Variants in DGKI observed in about 807,000 individuals in gnomAD.
DGKI encodes DAG kinase iota.
DGKI carries 55 observed loss-of-function variants against 147.5 expected under a neutral mutation model. The observed-to-expected ratio is 0.37, with a 90% CI of 0.30 to 0.47. The LOEUF is 0.47. Ranked by LOEUF, DGKI falls within the 20% of genes least tolerant of loss-of-function variation. The probability of loss-of-function intolerance (pLI) is 1.00; values close to 1 mark genes in which losing one functional copy is unlikely to be tolerated. For synonymous variants in DGKI, 469 were observed against 477.1 expected, an observed-to-expected ratio of 0.98 and a Z score of 0.22; for missense variants, 1,007 against 1,323.8, an observed-to-expected ratio of 0.76 and a Z score of 3.71.
intron 3 of DGKI, among the ~76,000 whole-genome samples, chr7:137,671,175 T>C (rs1309329293): frequency 6.6e-6 from 1 of 152,240 alleles, no homozygotes; most frequent in Non-Finnish European, 1.5e-5. Context: ...ATGACCCTTG[T>C]ACTCTTCTTG....
chr7:137,621,567 C>T (rs1232703410), intron 7 of DGKI, among the ~76,000 whole-genome samples: 1 of 152,204 alleles, frequency 6.6e-6, no homozygotes, highest in East Asian at 1.9e-4. Context: ...ACTGTGAAAA[C>T]ATATCAACCG....
intron 28 of DGKI, among the ~76,000 whole-genome samples, chr7:137,423,283 C>T (rs1400898480): frequency 6.6e-6 from 1 of 152,278 alleles, no homozygotes; most frequent in Non-Finnish European, 1.5e-5. Flanking sequence ...ACAGAGAAAG[C>T]TTCAGGCGTT....
At chr7:137,530,962 G>A (rs1294190571) in intron 20 of DGKI, among the ~76,000 whole-genome samples, 5 of 152,006 alleles carry the variant, frequency 3.3e-5, no homozygotes, top group Admixed American at 1.3e-4. Flanking sequence ...CGAAGATGCC[G>A]TCTTCTGCCC....
intron 1 of DGKI, among the ~76,000 whole-genome samples, chr7:137,699,232 T>A (rs1823895476): frequency 6.6e-6 from 1 of 152,206 alleles, no homozygotes; most frequent in South Asian, 2.1e-4. Context: ...TCCACCCTCA[T>A]GACCTATTCA....
intron 19 of DGKI, among the ~76,000 whole-genome samples, chr7:137,554,485 C>T (rs537157804): frequency 6.6e-6 from 1 of 152,190 alleles, no homozygotes; most frequent in African/African-American, 2.4e-5. Flanking sequence ...AAAACTGAGA[C>T]AGTCCCTGAC....
Position 137,388,042 on chromosome 7 carries a change from T to A in DGKI, c.*3178A>T, listed in dbSNP as rs183442598. 1.1e-3 allele frequency: 171 copies of A among 152,294 alleles called. No homozygotes were observed. Among genetic ancestry groups the A allele is most frequent in the African/African-American group, 4.1e-3 (169 of 41,582 alleles). The allele number at this position is 152,294 out of a possible 1,614,324, so 9.4% of individuals were successfully genotyped here. On this transcript the variant is annotated 3_prime_UTR_variant, in exon 33 of 33. Coordinates refer to ENST00000614521, the MANE Select transcript of DGKI (RefSeq NM_001321708.2). The stretch of plus-strand genomic sequence containing the variant: ...GTATGTACGGCTCTCCATCAGTCAT[T>A]ACTAATTTCCATCACTGTGCATTTG...
intron 19 of DGKI, among the ~76,000 whole-genome samples, chr7:137,567,082 T>C (rs1419076622): frequency 1.4e-5 from 2 of 145,766 alleles, no homozygotes; most frequent in African/African-American, 5.4e-5. Flanking sequence ...CTGACCAACA[T>C]GGTGAAACCC....
At chr7:137,600,024 C>T in intron 10 of DGKI, 119 bp from the exon 11 acceptor site, 2 of 867,270 alleles carry the variant, frequency 2.3e-6, no homozygotes, top group Non-Finnish European at 1.8e-6. Context: ...TGGCACACGC[C>T]TGTAATCCCA....
chr7:137,545,336 AT>A (rs1025780510), intron 20 of DGKI, among the ~76,000 whole-genome samples: 3 of 152,148 alleles, frequency 2.0e-5, no homozygotes, highest in Admixed American at 6.6e-5. Context: ...TAAAAAACAT[AT>A]TTTTTTGTTC....
At chr7:137,758,035 A>G (rs57870599) in intron 1 of DGKI, among the ~76,000 whole-genome samples, 3,592 of 152,302 alleles carry the variant, frequency 0.024, 125 homozygotes, top group African/African-American at 0.081. Flanking sequence ...CAAGTCCTGT[A>G]TCTCCTGGTT....
intron 11 of DGKI, 42 bp downstream of exon 11, chr7:137,599,781 C>T (rs1246248095): frequency 6.3e-7 from 1 of 1,582,142 alleles, no homozygotes; most frequent in African/African-American, 1.3e-5. Context: ...TTCTCACTTG[C>T]CTAAAATACA....
intron 23 of DGKI, among the ~76,000 whole-genome samples, chr7:137,475,815 G>C (rs1360910431): frequency 6.6e-6 from 1 of 151,928 alleles, no homozygotes; most frequent in African/African-American, 2.4e-5. Flanking sequence ...TTTTAATTAC[G>C]ATTTCAATTT....
Position 137,571,244 on chromosome 7 carries a change from G to GT in DGKI, c.1877dup (p.His626GlnfsTer3). ...CATGACGCTGAGGTTCGAAATCATG[G>GT]TGATCACCTGGGTTTCCCCAGGGCA... On this transcript the variant is annotated frameshift_variant, in exon 19 of 33. Transcript: ENST00000614521. LOFTEE classifies it high-confidence loss of function. The GT allele has an allele frequency of 6.2e-7, 1 of 1,613,130 alleles. No individual in the cohort carries two copies. Among genetic ancestry groups the GT allele is most frequent in the Non-Finnish European group, 8.5e-7 (1 of 1,179,878 alleles).
At chr7:137,575,509 C>G (rs1246271136) in intron 17 of DGKI, among the ~76,000 whole-genome samples, 3 of 152,192 alleles carry the variant, frequency 2.0e-5, no homozygotes, top group Admixed American at 2.0e-4. Context: ...CCAGCATGCA[C>G]TGGGTCTCCT....
intron 21 of DGKI, among the ~76,000 whole-genome samples, chr7:137,510,089 TG>T (rs1816529140): frequency 6.6e-6 from 1 of 152,212 alleles, no homozygotes; most frequent in Admixed American, 6.5e-5. Context: ...GCATTGACCG[TG>T]GTTATCCAGG....
At chr7:137,724,952 G>T (rs1363638800) in intron 1 of DGKI, among the ~76,000 whole-genome samples, 1 of 152,112 alleles carries the variant, frequency 6.6e-6, no homozygotes. Context: ...AAGTTGAGAA[G>T]GTAAGATCGT....
Position 137,596,992 on chromosome 7 carries a change from G to A in DGKI, c.1311+855C>T, listed in dbSNP as rs148354146. On this transcript the variant is annotated intron_variant, in intron 12 of 32. Coordinates refer to ENST00000614521, the MANE Select transcript of DGKI (RefSeq NM_001321708.2). Reference sequence around the variant, plus strand: ...CCAGACAACACAATCTAAATGTCATGATTCTCAATTCTTTACTTTGTTAAA... The same window carrying A: ...CCAGACAACACAATCTAAATGTCATAATTCTCAATTCTTTACTTTGTTAAA... Among the ~76,000 whole-genome samples the A allele has an allele frequency of 1.8e-4, 27 of 152,308 alleles. No homozygotes were observed. In the East Asian group the frequency reaches 5.2e-3, roughly 29 times the overall value.
chr7:137,489,529 A>C (rs914056075), intron 21 of DGKI, among the ~76,000 whole-genome samples: 1 of 152,200 alleles, frequency 6.6e-6, no homozygotes, highest in Non-Finnish European at 1.5e-5. Flanking sequence ...TCTCCTAAAA[A>C]TAGTGATTAG....
At chr7:137,736,081 A>G (rs1795012921) in intron 1 of DGKI, among the ~76,000 whole-genome samples, 1 of 152,192 alleles carries the variant, frequency 6.6e-6, no homozygotes, top group Non-Finnish European at 1.5e-5. Context: ...TGGTAAACAC[A>G]GTGTTTAATT....
Sources: gnomAD v4.1 joint callset for allele counts (sites outside exome capture counted in the v4.1 genomes callset) on GRCh38, gnomAD v4.1.1 for gene constraint, MANE v1.5 for transcripts, NCBI Gene and HGNC (gene_info 2026-07-23, HGNC 2026-07-21) for gene names.